FSIP2: variants seen among roughly 807,000 people sequenced by gnomAD.
FSIP2 encodes the protein fibrous sheath interacting protein 2.
In FSIP2, 367 loss-of-function variants were observed where a neutral mutation model predicts 510.5. The ratio of observed to expected loss-of-function variants is 0.72; its 90% confidence interval spans 0.66 to 0.78. The LOEUF is 0.78. Ranked by LOEUF, FSIP2 falls within the 30% of genes least tolerant of loss-of-function variation. The pLI is 0.00. For missense variants in FSIP2, 7,594 were observed against 7,901.7 expected (o/e 0.96, Z 1.48); for synonymous variants, 2,601 against 2,732.2 (o/e 0.95, Z 1.50).
intron 21 of FSIP2, among the ~76,000 whole-genome samples, chr2:185,831,494 T>C (rs1694106973): frequency 6.6e-6 from 1 of 151,924 alleles, no homozygotes; most frequent in Non-Finnish European, 1.5e-5. Flanking sequence ...TTAACTTTTT[T>C]CAATTCAGTC....
intron 8 of FSIP2, among the ~76,000 whole-genome samples, chr2:185,754,726 C>G (rs1692209332): frequency 6.6e-6 from 1 of 151,472 alleles, no homozygotes; most frequent in Non-Finnish European, 1.5e-5. Context: ...TTTTACACTA[C>G]ATCCTTGAAG....
Position 185,800,143 on chromosome 2 carries a change from C to A in FSIP2, c.10837C>A (p.His3613Asn). 1.3e-6 allele frequency: 2 copies of A among 1,533,846 alleles called. No individual in the cohort carries two copies. Among genetic ancestry groups the A allele is most frequent in the South Asian group, 1.2e-5 (1 of 83,970 alleles). The change falls in exon 17 of 23, where the codon CAT becomes AAT. Residue 3613 changes from histidine (H) to asparagine (N), a missense_variant. By Grantham distance (68) the His-to-Asn change is moderately conservative. Transcript: ENST00000424728. ...LFQDLLVGVI[H>N]VLSKEIEVDY... ...TCAGGATCTCTTAGTAGGAGTGATT[C>A]ATGTACTGTCCAAAGAAATAGAAGT...
Position 185,805,419 on chromosome 2 carries a change from T to G in FSIP2, c.16113T>G (p.Gly5371=), listed in dbSNP as rs1693542402. The part of the protein sequence containing the change: ...EKCTSHDIQK[G]DESNIAIGMI... ...GCACATCTCATGATATTCAAAAAGGTGATGAAAGTAACATTGCTATAGGGA... is the reference window on the plus strand; with the variant it reads ...GCACATCTCATGATATTCAAAAAGGGGATGAAAGTAACATTGCTATAGGGA... Residue 5371 remains glycine, a synonymous_variant, in exon 17 of 23, where the codon GGT becomes GGG. Transcript: ENST00000424728. The G allele has an allele frequency of 1.2e-6, 2 of 1,603,996 alleles. No homozygotes were observed. Among genetic ancestry groups the G allele is most frequent in the African/African-American group, 1.3e-5 (1 of 74,240 alleles).
chr2:185,764,670 ATC>A, intron 13 of FSIP2, 105 bp downstream of exon 13: 3 of 800,920 alleles, frequency 3.7e-6, no homozygotes, highest in Non-Finnish European at 5.9e-6. Flanking sequence ...CTAAGTTTTA[ATC>A]ATTCAAGGAA....
chr2:185,755,535 C>T (rs1239154416), intron 8 of FSIP2, among the ~76,000 whole-genome samples: 1 of 151,436 alleles, frequency 6.6e-6, no homozygotes. Flanking sequence ...GAAAGAATAT[C>T]CATGGCACAA....
At chr2:185,777,086 C>G (rs949169374) in intron 13 of FSIP2, among the ~76,000 whole-genome samples, 3 of 152,114 alleles carry the variant, frequency 2.0e-5, no homozygotes, top group Non-Finnish European at 4.4e-5. Context: ...GCTACTCACT[C>G]TATCATAAGG....
chr2:185,744,409 CAAGT>C lies in FSIP2; in HGVS notation c.477+3_477+6del. ...CTTTGAGAGAAACTATATAAAAGAA[CAAGT>C]AAGTTAAATACTTAAATTTGGTTTA... is the stretch of plus-strand genomic sequence containing the variant. On this transcript the variant is annotated splice_donor_variant and coding_sequence_variant, in exon 4 of 23. Coordinates refer to ENST00000424728, the MANE Select transcript of FSIP2 (RefSeq NM_173651.4). LOFTEE classifies it high-confidence loss of function. 1 of 908,246 alleles carries C rather than the reference CAAGT, an allele frequency of 1.1e-6. No homozygotes were observed. The highest frequency in any genetic ancestry group is 1.5e-6 in the Non-Finnish European group (1 of 654,270). 56.3% of individuals were successfully genotyped at this position (908,246 alleles called of 1,614,324 possible).
In FSIP2 at chr2:185,804,888, A is replaced by G; in HGVS notation, c.15582A>G (p.Ile5194Met). The G allele has an allele frequency of 6.6e-7, 1 of 1,523,778 alleles. No individual in the cohort carries two copies. Among genetic ancestry groups the G allele is most frequent in the Non-Finnish European group, 8.8e-7 (1 of 1,142,058 alleles). 94.4% of individuals were successfully genotyped at this position (1,523,778 alleles called of 1,614,324 possible). ...LEPIENLVDSICNNILKTSEF... is the reference protein window; with the variant it reads ...LEPIENLVDSMCNNILKTSEF... ...CTATTGAAAATTTGGTCGACTCCAT[A>G]TGTAATAATATTTTGAAAACATCTG... Residue 5194 changes from isoleucine (I) to methionine (M), a missense_variant, in exon 17 of 23, where the codon ATA becomes ATG. Physicochemically the swap from Ile to Met is conservative, Grantham distance 10. Coordinates refer to ENST00000424728, the MANE Select transcript of FSIP2 (RefSeq NM_173651.4).
rs1010755333 is a variant in FSIP2, at chr2:185,793,501, T to G, written c.6365T>G (p.Ile2122Arg). Residue 2122 changes from isoleucine (I) to arginine (R), a missense_variant, in exon 16 of 23, where the codon ATA becomes AGA. Ile to Arg is a moderately conservative substitution (Grantham distance 97). Transcript: ENST00000424728. ...SFATPTLKCSIADKHSEENSE... is the reference protein window; with the variant it reads ...SFATPTLKCSRADKHSEENSE... ...GCCACACCCACTCTGAAATGTAGCA[T>G]AGCTGATAAACATTCAGAAGAAAAT... 2.6e-5 allele frequency: 40 copies of G among 1,534,438 alleles called. No individual in the cohort carries two copies. In the Middle Eastern group the frequency reaches 6.7e-4, roughly 26 times the overall value.
In FSIP2 at chr2:185,791,236, C is replaced by A; in HGVS notation, c.4100C>A (p.Ser1367Ter). Residue 1367 changes from serine to a stop codon, truncating the protein, a stop_gained, in exon 16 of 23, where the codon TCA (serine) becomes TAA (stop). Transcript: ENST00000424728. LOFTEE classifies it high-confidence loss of function. ...ACCTGTATTTATGATATGTTGTTAT[C>A]AAGTGAAAATGCACATCAAAGAAGC... Reference protein sequence around the residue: ...LLTCIYDMLLSSENAHQRSIS... With the variant: ...LLTCIYDMLL 6.5e-7 allele frequency: 1 copy of A among 1,533,752 alleles called. No individual in the cohort carries two copies. The highest frequency in any genetic ancestry group is 1.2e-5 in the South Asian group (1 of 83,996).
chr2:185,795,842 T>G lies in FSIP2; in HGVS notation c.8706T>G (p.Ala2902=), dbSNP rs1296226408. ...GGTTTTATAATCATTTTAAAGGAGC[T>G]TCTACTAGAGCCGAGGATACTAAAG... ...ESRFYNHFKG[A]STRAEDTKAQ... is the part of the protein sequence containing the mutation. The change falls in exon 16 of 23, where the codon GCT becomes GCG. Residue 2902 remains alanine (A), a synonymous_variant. Transcript: ENST00000424728. The G allele has an allele frequency of 6.5e-7, 1 of 1,532,772 alleles. No homozygotes were observed. Among genetic ancestry groups the G allele is most frequent in the East Asian group, 2.4e-5 (1 of 40,820 alleles). The allele number at this position is 1,532,772 out of a possible 1,614,324, so 94.9% of individuals were successfully genotyped here.
At chr2:185,770,205 C>T (rs1692578345) in intron 13 of FSIP2, among the ~76,000 whole-genome samples, 1 of 152,154 alleles carries the variant, frequency 6.6e-6, no homozygotes, top group African/African-American at 2.4e-5. Context: ...TATCTATGAG[C>T]ATAGTACCTT....
Position 185,804,237 on chromosome 2 carries a change from G to T in FSIP2, c.14931G>T (p.Val4977=). 6.5e-7 allele frequency: 1 copy of T among 1,527,692 alleles called. No homozygotes were observed. 94.6% of individuals were successfully genotyped at this position (1,527,692 alleles called of 1,614,324 possible). The change falls in exon 17 of 23, where the codon GTG becomes GTT. Residue 4977 remains valine, a synonymous_variant. Coordinates refer to ENST00000424728, the MANE Select transcript of FSIP2 (RefSeq NM_173651.4). ...NMLVTENPDR[V]KLKLTRIVTT... is the part of the protein sequence containing the mutation. ...TGGTTACTGAAAATCCAGATAGAGT[G>T]AAACTGAAACTTACCAGGATTGTTA... is the stretch of plus-strand genomic sequence containing the variant.
intron 8 of FSIP2, 37 bp downstream of exon 8, chr2:185,753,879 T>A: frequency 7.4e-7 from 1 of 1,352,438 alleles, no homozygotes; most frequent in South Asian, 1.7e-5. Flanking sequence ...TGTAGCTAAG[T>A]AGAAAATGAT....
chr2:185,743,406 G>A (rs1274685560), intron 3 of FSIP2, 112 bp downstream of exon 3: 1 of 527,776 alleles, frequency 1.9e-6, no homozygotes, highest in Non-Finnish European at 3.1e-6. Flanking sequence ...TTGGTCATGA[G>A]ACAATACTTA....
chr2:185,746,942 C>G, intron 6 of FSIP2, 132 bp downstream of exon 6: 1 of 673,364 alleles, frequency 1.5e-6, no homozygotes, highest in African/African-American at 1.8e-5. Flanking sequence ...ATTAAATTTT[C>G]TTCATAGCTA....
intron 13 of FSIP2, among the ~76,000 whole-genome samples, chr2:185,773,750 C>T (rs1260511336): frequency 1.3e-5 from 2 of 152,128 alleles, no homozygotes; most frequent in East Asian, 3.9e-4. Flanking sequence ...TGTGCTATTT[C>T]TAAATCTATT....
At chr2:185,781,059 A>AT (rs61546803) in intron 13 of FSIP2, among the ~76,000 whole-genome samples, 75,020 of 145,496 alleles carry the variant, frequency 0.52, 19,352 homozygotes, top group South Asian at 0.64. Flanking sequence ...CTGTGGCATG[A>AT]TTTTTTTTTT....
upstream of FSIP2, among the ~76,000 whole-genome samples, chr2:185,737,835 A>G (rs1438576683): frequency 6.6e-6 from 1 of 152,236 alleles, no homozygotes; most frequent in Non-Finnish European, 1.5e-5. Flanking sequence ...GTGGAATTAC[A>G]ACAAAGAGAG....
Sources: allele counts gnomAD v4.1 joint callset (sites outside exome capture counted in the v4.1 genomes callset), GRCh38; gene constraint gnomAD v4.1.1; transcripts MANE v1.5; gene names NCBI Gene and HGNC (gene_info 2026-07-23, HGNC 2026-07-21).